The following PIK3R1 variants were observed in gnomAD, a reference collection of about 807,000 sequenced individuals.
The protein encoded by PIK3R1 is phosphoinositide-3-kinase regulatory subunit 1.
PIK3R1 carries 29 observed loss-of-function variants against 98.0 expected under a neutral mutation model. The observed-to-expected ratio is 0.30, with a 90% CI of 0.22 to 0.40. The LOEUF is 0.40. Ranked by LOEUF, PIK3R1 falls within the 10% of genes least tolerant of loss-of-function variation. PIK3R1 has a pLI of 1.00. For missense variants in PIK3R1, 596 were observed against 872.7 expected (o/e 0.68, Z 3.99); for synonymous variants, 282 against 311.8 (o/e 0.90, Z 1.01).
intron 1 of PIK3R1, among the ~76,000 whole-genome samples, chr5:68,220,367 T>G (rs1213669406): frequency 6.6e-6 from 1 of 152,152 alleles, no homozygotes; most frequent in Non-Finnish European, 1.5e-5. Context: ...TCCTCTTCAT[T>G]GTGATGATGC....
At chr5:68,251,587 G>A (rs1242198468) in intron 2 of PIK3R1, among the ~76,000 whole-genome samples, 2 of 151,798 alleles carry the variant, frequency 1.3e-5, no homozygotes, top group Non-Finnish European at 2.9e-5. Context: ...GGGGCGGGGT[G>A]GAAAGAGGGG....
intron 2 of PIK3R1, among the ~76,000 whole-genome samples, chr5:68,232,412 G>A (rs145601441): frequency 1.3e-5 from 2 of 152,244 alleles, no homozygotes; most frequent in Non-Finnish European, 2.9e-5. Flanking sequence ...TTGCAGGAGG[G>A]TTCTTACCCT....
chr5:68,232,319 G>A (rs1744507558), intron 2 of PIK3R1, among the ~76,000 whole-genome samples: 1 of 152,170 alleles, frequency 6.6e-6, no homozygotes, highest in African/African-American at 2.4e-5. Flanking sequence ...AAGGAAAGTA[G>A]CCCTAATTAG....
chr5:68,275,757 C>A (rs1746545889), intron 4 of PIK3R1, among the ~76,000 whole-genome samples: 1 of 152,108 alleles, frequency 6.6e-6, no homozygotes, highest in African/African-American at 2.4e-5. Flanking sequence ...CTGTTTCCAA[C>A]TCAAAGATTT....
At chr5:68,260,732 C>G (rs1745704769) in intron 2 of PIK3R1, among the ~76,000 whole-genome samples, 1 of 152,142 alleles carries the variant, frequency 6.6e-6, no homozygotes, top group South Asian at 2.1e-4. Context: ...TCACCTCTCT[C>G]TCTTCATATT....
chr5:68,238,301 C>A (rs117872500), intron 2 of PIK3R1, among the ~76,000 whole-genome samples: 1,807 of 152,310 alleles, frequency 0.012, 89 homozygotes, highest in Admixed American at 0.094. Context: ...ATGGGTAGGT[C>A]TTTCCTTGTT....
At chr5:68,280,766 T>G in intron 6 of PIK3R1, 37 bp downstream of exon 6, 1 of 1,566,062 alleles carries the variant, frequency 6.4e-7, no homozygotes, top group Non-Finnish European at 8.8e-7. Flanking sequence ...TTTGGGGTGA[T>G]GAGGGTAGTC....
At chr5:68,238,147 C>T (rs1744734881) in intron 2 of PIK3R1, among the ~76,000 whole-genome samples, 1 of 152,212 alleles carries the variant, frequency 6.6e-6, no homozygotes, top group South Asian at 2.1e-4. Flanking sequence ...ATCAGAAAGT[C>T]AGGCGGTGAA....
At chr5:68,269,744 T>C (rs758021753) in intron 2 of PIK3R1, among the ~76,000 whole-genome samples, 6 of 152,226 alleles carry the variant, frequency 3.9e-5, no homozygotes, top group Non-Finnish European at 8.8e-5. Flanking sequence ...ATTGATCCTA[T>C]TGTTGGAAGT....
intron 7 of PIK3R1, among the ~76,000 whole-genome samples, chr5:68,289,113 A>G (rs1747239934): frequency 6.6e-6 from 1 of 152,128 alleles, no homozygotes. Context: ...TCCCAAATGC[A>G]TGGACTGGCA....
rs1561308221 is a variant in PIK3R1 at position 68,301,404 on chromosome 5, A to ATATATATATATATATATATATGTGTG, written c.*3824_*3825insGTGTGTATATATATATATATATATAT. ...TGTGTGTGTGTGTGTATATATATAT[A>ATATATATATATATATATATATGTGTG]TATATATATATATATATATATATAT... On this transcript the variant is annotated 3_prime_UTR_variant, in exon 16 of 16. Coordinates refer to ENST00000521381, the MANE Select transcript of PIK3R1 (RefSeq NM_181523.3). The ATATATATATATATATATATATGTGTG allele has an allele frequency of 1.2e-5, 1 of 85,416 alleles. No individual in the cohort carries two copies. The allele number at this position is 85,416 out of a possible 1,614,324, so 5.3% of individuals were successfully genotyped here.
At position 68,298,642 on chromosome 5, in the gene PIK3R1, C is replaced by A. The variant is rs1747861179; in HGVS notation, c.*1041C>A. The A allele has an allele frequency of 4.3e-6, 1 of 232,222 alleles. No homozygotes were observed. Among genetic ancestry groups the A allele is most frequent in the Admixed American group, 5.6e-5 (1 of 17,706 alleles). The allele number at this position is 232,222 out of a possible 1,614,324, so 14.4% of individuals were successfully genotyped here. A position where few individuals can be genotyped will look rare whatever the true frequency, so the allele number is the denominator to read the frequency against. ...AGTTTTTCTTGTACAGAGTACTTGG[C>A]TGTTAGCCCAAGGTTAAAAAGTTCA... On this transcript the variant is annotated 3_prime_UTR_variant, in exon 16 of 16. Coordinates refer to ENST00000521381, the MANE Select transcript of PIK3R1 (RefSeq NM_181523.3).
chr5:68,292,514 C>T (rs1386109943), intron 8 of PIK3R1, 153 bp downstream of exon 8: 1 of 1,514,660 alleles, frequency 6.6e-7, no homozygotes, highest in African/African-American at 1.4e-5. Flanking sequence ...TCACTGAGCA[C>T]TGGAGAACTG....
intron 1 of PIK3R1, chr5:68,217,657 C>CGCGCGCGCGT (rs1315179318): frequency 4.6e-5 from 6 of 129,778 alleles, no homozygotes; most frequent in African/African-American, 1.8e-4. Flanking sequence ...TGTGTGTGCG[C>CGCGCGCGCGT]GCGCGTGCCT....
rs774722435 is a variant in PIK3R1 at position 68,294,559 on chromosome 5, T to A, written c.1449T>A (p.Ala483=). 1.2e-6 allele frequency: 2 copies of A among 1,610,330 alleles called. No individual in the cohort carries two copies. Among genetic ancestry groups the A allele is most frequent in the South Asian group, 1.1e-5 (1 of 90,570 alleles). ...AGGAAATCCAAATGAAAAGGACAGCTATTGAAGCATTTAATGAAACCATAA... is the reference window on the plus strand; with the variant it reads ...AGGAAATCCAAATGAAAAGGACAGCAATTGAAGCATTTAATGAAACCATAA... The part of the protein sequence containing the change: ...TSQEIQMKRT[A]IEAFNETIKI... Residue 483 remains alanine (A), a synonymous_variant, in exon 12 of 16, where the codon GCT becomes GCA. Transcript: ENST00000521381.
At chr5:68,232,437 A>G (rs866137863) in intron 2 of PIK3R1, among the ~76,000 whole-genome samples, 3 of 152,268 alleles carry the variant, frequency 2.0e-5, no homozygotes, top group Middle Eastern at 3.4e-3. Context: ...TGGCCTGGCC[A>G]CTTTAGGAAT....
At chr5:68,225,461 C>A (rs1050237758) in intron 1 of PIK3R1, among the ~76,000 whole-genome samples, 25 of 152,164 alleles carry the variant, frequency 1.6e-4, no homozygotes, top group African/African-American at 5.3e-4. Flanking sequence ...TCCAAACTCT[C>A]ATTAATGCAG....
intron 2 of PIK3R1, among the ~76,000 whole-genome samples, chr5:68,250,024 G>T: frequency 6.6e-6 from 1 of 152,172 alleles, no homozygotes; most frequent in Non-Finnish European, 1.5e-5. Flanking sequence ...CTGCCTTGAG[G>T]GTAGCTAAAA....
Position 68,301,510 on chromosome 5 carries a change from AT to A in PIK3R1, c.*3912del, listed in dbSNP as rs1395324588. 4 of 148,272 alleles carry A rather than the reference AT, an allele frequency of 2.7e-5. No homozygotes were observed. Among genetic ancestry groups the A allele is most frequent in the Admixed American group, 6.9e-5 (1 of 14,420 alleles). The allele number at this position is 148,272 out of a possible 1,614,324, so 9.2% of individuals were successfully genotyped here. A position where few individuals can be genotyped will look rare whatever the true frequency, so the allele number is the denominator to read the frequency against. On this transcript the variant is annotated 3_prime_UTR_variant, in exon 16 of 16. Transcript: ENST00000521381. ...TATATATATGCACATATATATATGT[AT>A]TTAAAAAAATCAAAACAAAAAAAAA...
Sources: allele counts gnomAD v4.1 joint callset (sites outside exome capture counted in the v4.1 genomes callset), GRCh38; gene constraint gnomAD v4.1.1; transcripts MANE v1.5; gene names NCBI Gene and HGNC (gene_info 2026-07-23, HGNC 2026-07-21).